TTC7B: variants seen among roughly 807,000 people sequenced by gnomAD.
TTC7B encodes tetratricopeptide repeat domain 7B, also known as tetratricopeptide repeat protein 7B.
A neutral mutation model predicts 106.8 loss-of-function variants in TTC7B; 28 were observed. The observed-to-expected ratio is 0.26, with a 90% CI of 0.19 to 0.36. The LOEUF (loss-of-function observed/expected upper bound fraction) is 0.36. Among genes scored for constraint, TTC7B ranks in the 10% least tolerant of loss-of-function variants. TTC7B has a pLI of 1.00. For missense variants in TTC7B, 862 were observed against 1,076.4 expected (o/e 0.80, Z 2.79); for synonymous variants, 405 against 430.6 (o/e 0.94, Z 0.74).
chr14:90,610,206 T>G (rs1322612978), intron 17 of TTC7B, among the ~76,000 whole-genome samples: 1 of 152,190 alleles, frequency 6.6e-6, no homozygotes. Flanking sequence ...TGTAGTTAGG[T>G]GGACTCACTC....
intron 5 of TTC7B, among the ~76,000 whole-genome samples, chr14:90,699,565 T>C (rs1887903306): frequency 1.3e-5 from 2 of 152,218 alleles, no homozygotes; most frequent in South Asian, 4.1e-4. Flanking sequence ...ACTGGGTCAA[T>C]TTCCTGGGTA....
chr14:90,713,396 A>G (rs949581108), intron 5 of TTC7B, among the ~76,000 whole-genome samples: 1 of 152,196 alleles, frequency 6.6e-6, no homozygotes, highest in African/African-American at 2.4e-5. Flanking sequence ...GATTACAGGC[A>G]TGAGCCACTG....
At chr14:90,720,206 A>G (rs1215782344) in intron 5 of TTC7B, among the ~76,000 whole-genome samples, 2 of 151,910 alleles carry the variant, frequency 1.3e-5, no homozygotes, top group African/African-American at 4.8e-5. Flanking sequence ...CTACTTTCCA[A>G]TTCATCTTCA....
At chr14:90,650,079 T>A (rs1885650600) in intron 13 of TTC7B, among the ~76,000 whole-genome samples, 4 of 152,312 alleles carry the variant, frequency 2.6e-5, no homozygotes, top group Admixed American at 1.3e-4. Context: ...TCTCTTAGAT[T>A]CCATTTCCAA....
At chr14:90,658,920 T>C (rs539894137) in intron 9 of TTC7B, among the ~76,000 whole-genome samples, 2 of 152,344 alleles carry the variant, frequency 1.3e-5, no homozygotes, top group African/African-American at 4.8e-5. Flanking sequence ...GAGGAGCCTC[T>C]GGTCCCTGCA....
chr14:90,564,328 A>AATAGTC (rs1366695155), intron 19 of TTC7B, among the ~76,000 whole-genome samples: 1 of 152,136 alleles, frequency 6.6e-6, no homozygotes, highest in African/African-American at 2.4e-5. Flanking sequence ...GTGGGCATAA[A>AATAGTC]ATAGTCATTG....
chr14:90,804,792 C>T (rs188389316), intron 1 of TTC7B, among the ~76,000 whole-genome samples: 3 of 152,330 alleles, frequency 2.0e-5, no homozygotes, highest in East Asian at 1.9e-4. Flanking sequence ...TGTTAGGCTT[C>T]GGGCCTGCAA....
intron 12 of TTC7B, among the ~76,000 whole-genome samples, chr14:90,653,673 T>C (rs1034710509): frequency 2.0e-5 from 3 of 152,170 alleles, no homozygotes; most frequent in Non-Finnish European, 2.9e-5. Flanking sequence ...GCCTCCAACA[T>C]GGCACCTCCC....
chr14:90,584,087 G>A (rs1000292295), intron 18 of TTC7B, among the ~76,000 whole-genome samples: 16 of 152,062 alleles, frequency 1.1e-4, no homozygotes, highest in Non-Finnish European at 2.1e-4. Flanking sequence ...AGCCGCAAGT[G>A]TGCCAACCCT....
chr14:90,718,612 G>A (rs1025471080), intron 5 of TTC7B, among the ~76,000 whole-genome samples: 3 of 152,134 alleles, frequency 2.0e-5, no homozygotes, highest in South Asian at 2.1e-4. Context: ...CCATGAAGCC[G>A]GTCTGGGCTG....
chr14:90,670,313 G>C (rs1052641687), intron 9 of TTC7B, among the ~76,000 whole-genome samples: 1 of 152,114 alleles, frequency 6.6e-6, no homozygotes, highest in Admixed American at 6.5e-5. Flanking sequence ...AATTCATAAA[G>C]ACAAAAATTA....
chr14:90,657,281 T>C lies in TTC7B; in HGVS notation c.1237-3A>G. ...AGCACCTTCACGGCACGGGCAGACT[T>C]GGCAAGAGAAGATTATTTCCGTGAA... On this transcript the variant is annotated splice_region_variant and splice_polypyrimidine_tract_variant and intron_variant, in intron 10 of 19. Coordinates refer to ENST00000328459, the MANE Select transcript of TTC7B (RefSeq NM_001010854.2). The surrounding 1 kb of genome is among the most constrained non-coding windows in gnomAD (Gnocchi z 4.2). 1.2e-6 allele frequency: 2 copies of C among 1,613,226 alleles called. No homozygotes were observed. The highest frequency in any genetic ancestry group is 1.7e-6 in the Non-Finnish European group (2 of 1,179,820).
chr14:90,743,151 T>G (rs1424165744), intron 4 of TTC7B, among the ~76,000 whole-genome samples: 2 of 152,236 alleles, frequency 1.3e-5, no homozygotes, highest in Admixed American at 1.3e-4. Context: ...AACCTTCTGA[T>G]AGAACATAAT....
At chr14:90,690,631 A>C (rs1332009070) in intron 6 of TTC7B, among the ~76,000 whole-genome samples, 2 of 152,194 alleles carry the variant, frequency 1.3e-5, no homozygotes, top group African/African-American at 4.8e-5. Flanking sequence ...AAAGAGAAGC[A>C]CTGCATCCCA....
chr14:90,598,083 C>T (rs1218720212), intron 17 of TTC7B, among the ~76,000 whole-genome samples: 1 of 152,234 alleles, frequency 6.6e-6, no homozygotes, highest in Non-Finnish European at 1.5e-5. Context: ...ACTGCCAGAG[C>T]CCACAGGACT....
At chr14:90,745,353 CTA>C (rs1889927196) in intron 3 of TTC7B, among the ~76,000 whole-genome samples, 3 of 151,444 alleles carry the variant, frequency 2.0e-5, no homozygotes, top group Admixed American at 2.0e-4. Context: ...ATAAATATCC[CTA>C]TCTTATTCCT....
chr14:90,610,708 C>A (rs1174469801), intron 17 of TTC7B, 34 bp downstream of exon 17: 1 of 1,484,026 alleles, frequency 6.7e-7, no homozygotes, highest in African/African-American at 1.4e-5. Flanking sequence ...TTCTCCATTA[C>A]ACCATTTCGT....
intron 19 of TTC7B, among the ~76,000 whole-genome samples, chr14:90,554,646 G>T (rs1890226421): frequency 6.6e-6 from 1 of 152,194 alleles, no homozygotes; most frequent in Non-Finnish European, 1.5e-5. Context: ...TGTGGGTCCT[G>T]CCCCAGAGCC....
chr14:90,661,398 C>T (rs555741386), intron 9 of TTC7B, among the ~76,000 whole-genome samples: 42 of 152,208 alleles, frequency 2.8e-4, no homozygotes, highest in African/African-American at 9.6e-4. Context: ...ATGCTGAGAC[C>T]AAGTAGGCAA....
Sources: allele counts gnomAD v4.1 joint callset (sites outside exome capture counted in the v4.1 genomes callset), GRCh38; gene constraint gnomAD v4.1.1; non-coding constraint Gnocchi (gnomAD v3.1); transcripts MANE v1.5; gene names NCBI Gene and HGNC (gene_info 2026-07-23, HGNC 2026-07-21).